Variants in DLG2 observed in about 807,000 individuals in gnomAD.
DLG2 encodes disks large homolog 2.
Under a neutral mutation model 132.5 loss-of-function variants are expected in DLG2, and 45 were observed. That is an observed-to-expected ratio of 0.34 (90% CI 0.27 to 0.44). The LOEUF (loss-of-function observed/expected upper bound fraction) is 0.44, where lower values mean the gene tolerates loss of function less well. Among genes scored for constraint, DLG2 ranks in the 20% least tolerant of loss-of-function variants. DLG2 has a pLI of 1.00. For missense variants in DLG2, 1,045 were observed against 1,196.9 expected (o/e 0.87, Z 1.87); for synonymous variants, 424 against 419.6 (o/e 1.01, Z -0.13).
At chr11:83,615,679 T>A (rs1241795055) in intron 19 of DLG2, among the ~76,000 whole-genome samples, 8 of 152,178 alleles carry the variant, frequency 5.3e-5, no homozygotes, top group African/African-American at 1.9e-4. Flanking sequence ...TGAGAAGCAC[T>A]CAACTTGCAA....
At chr11:83,789,912 C>T (rs2041076208) in intron 17 of DLG2, 3 of 853,878 alleles carry the variant, frequency 3.5e-6, no homozygotes, top group Middle Eastern at 8.8e-4. Context: ...AGTTTGTAAA[C>T]TGTGTTTCAA....
At chr11:84,971,350 G>T (rs879812435) in intron 6 of DLG2, among the ~76,000 whole-genome samples, 1 of 152,180 alleles carries the variant, frequency 6.6e-6, no homozygotes, top group Admixed American at 6.5e-5. Flanking sequence ...GGATGAAAAA[G>T]TAAGATGATG....
intron 3 of DLG2, among the ~76,000 whole-genome samples, chr11:85,581,036 C>T (rs912096767): frequency 1.3e-5 from 2 of 152,184 alleles, no homozygotes; most frequent in Admixed American, 6.5e-5. Flanking sequence ...GGGGCACCAG[C>T]AGGAAATCAG....
intron 3 of DLG2, chr11:85,453,226 T>TA (rs2092310595): frequency 5.4e-6 from 2 of 368,244 alleles, no homozygotes; most frequent in African/African-American, 2.1e-5. Context: ...TCCAAATTAT[T>TA]ATCTGGTCCA....
At chr11:85,149,037 T>G (rs756436030) in intron 5 of DLG2, among the ~76,000 whole-genome samples, 78 of 152,192 alleles carry the variant, frequency 5.1e-4, no homozygotes, top group Non-Finnish European at 1.1e-3. Flanking sequence ...TTTGTCTGGT[T>G]TGTTAAAGAT....
chr11:83,474,159 A>C (rs991572179), intron 22 of DLG2, among the ~76,000 whole-genome samples: 2 of 152,108 alleles, frequency 1.3e-5, no homozygotes, highest in Non-Finnish European at 2.9e-5. Context: ...AGAAGTGTTC[A>C]GGGGACTCTG....
At chr11:84,161,574 A>T (rs1310422783) in intron 9 of DLG2, among the ~76,000 whole-genome samples, 1 of 152,140 alleles carries the variant, frequency 6.6e-6, no homozygotes. Context: ...ACTAGAACCC[A>T]CAGTTGTCTG....
At chr11:84,544,757 G>A (rs553347787) in intron 6 of DLG2, among the ~76,000 whole-genome samples, 1 of 152,254 alleles carries the variant, frequency 6.6e-6, no homozygotes, top group Admixed American at 6.5e-5. Flanking sequence ...GCATACAGTG[G>A]CTGCTTGGCA....
intron 15 of DLG2, among the ~76,000 whole-genome samples, chr11:83,914,356 C>CA (rs2076572297): frequency 6.6e-6 from 1 of 152,148 alleles, no homozygotes; most frequent in South Asian, 2.1e-4. Context: ...ATACAGCCTG[C>CA]AGGACTGAAA....
At position 84,295,681 on chromosome 11, in the gene DLG2, A is replaced by G. The variant is rs560453889; in HGVS notation, c.520-44390T>C. Among the ~76,000 whole-genome samples the G allele has an allele frequency of 3.9e-5, 6 of 152,218 alleles. 1 individual carries two copies. The South Asian group carries it at 1.0e-3, about 26-fold the overall frequency. On this transcript the variant is annotated intron_variant, in intron 7 of 27. Coordinates refer to ENST00000376104, the MANE Select transcript of DLG2 (RefSeq NM_001142699.3). ...CAGGGTCCAGAGTAGTACAGATACT[A>G]GAGTCCTGGTTTCTACTTCTGTGCC...
chr11:84,509,353 G>A (rs2099250995), intron 7 of DLG2, among the ~76,000 whole-genome samples: 1 of 152,154 alleles, frequency 6.6e-6, no homozygotes, highest in Non-Finnish European at 1.5e-5. Flanking sequence ...TTTCTCCTGT[G>A]AATATGTATT....
Position 83,965,435 on chromosome 11 carries a change from C to T in DLG2, c.1090G>A (p.Glu364Lys). The change falls in exon 13 of 28, where the codon GAA (glutamate) becomes AAA (lysine). Residue 364 changes from glutamate (E) to lysine (K), a missense_variant. Physicochemically the swap from Glu to Lys is moderately conservative, Grantham distance 56. Around this residue, in one of 4 missense-constraint regions of DLG2, gnomAD observed 261 missense variants for 256.1 expected, o/e 1.02. Coordinates refer to ENST00000376104, the MANE Select transcript of DLG2 (RefSeq NM_001142699.3). ...NNYSLEEVTHEEAVAILKNTS... is the reference protein window; with the variant it reads ...NNYSLEEVTHKEAVAILKNTS... ...TTCTTTAATATTGCTACTGCCTCTT[C>T]GTGTGTTACTTCTTCTAAACTGTAG... The T allele has an allele frequency of 6.2e-7, 1 of 1,610,982 alleles. No homozygotes were observed. Among genetic ancestry groups the T allele is most frequent in the Non-Finnish European group, 8.5e-7 (1 of 1,178,144 alleles).
intron 12 of DLG2, among the ~76,000 whole-genome samples, chr11:83,975,509 A>C (rs2092065661): frequency 6.6e-6 from 1 of 152,088 alleles, no homozygotes; most frequent in South Asian, 2.1e-4. Context: ...TTAAAATACC[A>C]AGAGGTTTAT....
intron 4 of DLG2, among the ~76,000 whole-genome samples, chr11:85,227,656 C>T (rs2075055209): frequency 1.3e-5 from 2 of 152,108 alleles, no homozygotes; most frequent in African/African-American, 4.8e-5. Context: ...AGTGATACCA[C>T]AGAATATATC....
chr11:84,557,757 T>C (rs1332289142), intron 6 of DLG2, among the ~76,000 whole-genome samples: 1 of 152,132 alleles, frequency 6.6e-6, no homozygotes, highest in Non-Finnish European at 1.5e-5. Context: ...CTTGCATGTG[T>C]TTTTTGGTGC....
At chr11:84,116,674 G>A (rs891983512) in intron 9 of DLG2, among the ~76,000 whole-genome samples, 4 of 152,138 alleles carry the variant, frequency 2.6e-5, no homozygotes, top group Non-Finnish European at 1.5e-5. Context: ...GATGAGATTT[G>A]GGTGTGGACA....
At chr11:84,854,272 G>A (rs2082505450) in intron 6 of DLG2, among the ~76,000 whole-genome samples, 1 of 150,624 alleles carries the variant, frequency 6.6e-6, no homozygotes. Flanking sequence ...TGCCTAACAA[G>A]TAGAACAAAA....
chr11:83,804,838 T>C (rs893052014), intron 17 of DLG2, among the ~76,000 whole-genome samples: 4 of 152,182 alleles, frequency 2.6e-5, no homozygotes, highest in African/African-American at 9.6e-5. Flanking sequence ...GATTTTTTTC[T>C]TAAATCCAGG....
At chr11:84,709,632 A>G (rs2060147734) in intron 6 of DLG2, among the ~76,000 whole-genome samples, 1 of 151,858 alleles carries the variant, frequency 6.6e-6, no homozygotes, top group Admixed American at 6.6e-5. Flanking sequence ...TGCTTCTTAC[A>G]TCTATGTTTG....
Sources: allele counts gnomAD v4.1 joint callset (sites outside exome capture counted in the v4.1 genomes callset), GRCh38; gene constraint gnomAD v4.1.1; regional missense constraint gnomAD v4.1.1; transcripts MANE v1.5; gene names NCBI Gene and HGNC (gene_info 2026-07-23, HGNC 2026-07-21).